Variants in MIA2 observed in about 807,000 individuals in gnomAD.
MIA2 encodes the protein melanoma inhibitory activity protein 2.
Under a neutral mutation model 167.8 loss-of-function variants are expected in MIA2, and 127 were observed. The observed-to-expected ratio is 0.76, with a 90% CI of 0.66 to 0.88. MIA2 has a LOEUF of 0.88. Among genes scored for constraint, MIA2 ranks in the 40% least tolerant of loss-of-function variants. The probability of loss-of-function intolerance (pLI) is 0.00; values close to 1 mark genes in which losing one functional copy is unlikely to be tolerated. For missense variants in MIA2, 1,690 were observed against 1,624.7 expected (o/e 1.04, Z -0.69); for synonymous variants, 552 against 541.9 (o/e 1.02, Z -0.26).
chr14:39,322,007 C>T (rs1475444526), intron 24 of MIA2, among the ~76,000 whole-genome samples: 1 of 151,366 alleles, frequency 6.6e-6, no homozygotes, highest in Non-Finnish European at 1.5e-5. Flanking sequence ...GAACTCCTGA[C>T]CTTAGGTGAT....
intron 23 of MIA2, among the ~76,000 whole-genome samples, chr14:39,360,808 T>G (rs893372422): frequency 2.0e-5 from 3 of 152,328 alleles, no homozygotes; most frequent in African/African-American, 7.2e-5. Flanking sequence ...GTTTAGGTGT[T>G]TAATCCATCT....
rs2152627806 is a variant in MIA2 at position 39,247,273 on chromosome 14, A to G, written c.699A>G (p.Gln233=). The change falls in exon 4 of 29, where the codon CAA becomes CAG. Residue 233 remains glutamine (Q), a synonymous_variant. Transcript: ENST00000640607. ...AATGGTTTGGATTGGGAGGAGAACA[A>G]GCTGAAGAGAAGGCTTTTGAATCAG... is the stretch of plus-strand genomic sequence containing the variant. ...VKEWFGLGGE[Q]AEEKAFESVI... is the part of the protein sequence containing the mutation. 2 of 1,613,986 alleles carry G rather than the reference A, an allele frequency of 1.2e-6. No individual in the cohort carries two copies. Among genetic ancestry groups the G allele is most frequent in the East Asian group, 4.5e-5 (2 of 44,876 alleles).
At chr14:39,379,223 C>T (rs928211373) in intron 23 of MIA2, among the ~76,000 whole-genome samples, 1 of 151,970 alleles carries the variant, frequency 6.6e-6, no homozygotes, top group Non-Finnish European at 1.5e-5. Flanking sequence ...GCTGGTCTTG[C>T]ATTAGTGTAC....
intron 24 of MIA2, 152 bp from the exon 25 acceptor site, chr14:39,326,712 G>C: frequency 2.4e-6 from 1 of 410,954 alleles, no homozygotes; most frequent in Non-Finnish European, 4.2e-6. Context: ...GTTACATCAG[G>C]CATAGGAATC....
chr14:39,285,389 C>T (rs187553507), intron 9 of MIA2, among the ~76,000 whole-genome samples: 43,521 of 134,704 alleles, frequency 0.32, 9,668 homozygotes, highest in Non-Finnish European at 0.44. Context: ...CTGCCCCCCA[C>T]CTCCCTCCCG....
chr14:39,368,278 A>G (rs2074864112), intron 23 of MIA2, among the ~76,000 whole-genome samples: 1 of 152,190 alleles, frequency 6.6e-6, no homozygotes, highest in Admixed American at 6.5e-5. Context: ...AGAGAGAAGG[A>G]AGAAAAATTG....
chr14:39,269,262 A>C (rs1034187192), intron 6 of MIA2, among the ~76,000 whole-genome samples: 3 of 151,660 alleles, frequency 2.0e-5, no homozygotes, highest in African/African-American at 7.3e-5. Flanking sequence ...TGTTAAATTC[A>C]CTATGTTATG....
chr14:39,242,940 T>A (rs1321732251), intron 3 of MIA2, among the ~76,000 whole-genome samples: 1 of 151,486 alleles, frequency 6.6e-6, no homozygotes, highest in Non-Finnish European at 1.5e-5. Flanking sequence ...CTGACCAACA[T>A]GGTGAAACCC....
At position 39,279,346 on chromosome 14, in the gene MIA2, C is replaced by T. The variant is rs764331151; in HGVS notation, c.2029C>T (p.Arg677Trp). 1.5e-5 allele frequency: 24 copies of T among 1,607,070 alleles called. No homozygotes were observed. Among genetic ancestry groups the T allele is most frequent in the Admixed American group, 6.8e-5 (4 of 58,430 alleles). The change falls in exon 8 of 29, where the codon CGG becomes TGG. Residue 677 changes from arginine (R) to tryptophan (W), a missense_variant. Coordinates refer to ENST00000640607, the MANE Select transcript of MIA2 (RefSeq NM_001329214.4). The stretch of plus-strand genomic sequence containing the variant: ...TAAAAATTTGTTTCAGGTTAGGAGT[C>T]GGCTTTATGTGGGTAAGTTCTTTTT... ...LWRSFRSVRS[R>W]LYVGREKKLA... is the part of the protein sequence containing the mutation.
chr14:39,332,520 T>G (rs957890357), intron 25 of MIA2, among the ~76,000 whole-genome samples: 1 of 152,216 alleles, frequency 6.6e-6, no homozygotes, highest in Non-Finnish European at 1.5e-5. Context: ...AGACGAGGCA[T>G]CCTGGTTTTT....
chr14:39,247,413 CT>C lies in MIA2; in HGVS notation c.840del (p.Glu281AsnfsTer14). 2 of 1,614,076 alleles carry C rather than the reference CT, an allele frequency of 1.2e-6. No individual in the cohort carries two copies. Among genetic ancestry groups the C allele is most frequent in the East Asian group, 4.5e-5 (2 of 44,874 alleles). On this transcript the variant is annotated frameshift_variant, in exon 4 of 29. Coordinates refer to ENST00000640607, the MANE Select transcript of MIA2 (RefSeq NM_001329214.4). LOFTEE classifies it high-confidence loss of function. ...CCTCAAACAGAACATCAGCAAGAATCTGAATCAGAAATTGATTCAGTGCCAA... is the reference window on the plus strand; with the variant it reads ...CCTCAAACAGAACATCAGCAAGAATCGAATCAGAAATTGATTCAGTGCCAA... Reference protein sequence around the residue: ...GEPQTEHQQESESEIDSVPKT... With the variant: ...GEPQTEHQQEXESEIDSVPKT...
At chr14:39,364,729 TTTTTG>T (rs909257698) in intron 23 of MIA2, among the ~76,000 whole-genome samples, 15 of 145,778 alleles carry the variant, frequency 1.0e-4, no homozygotes, top group East Asian at 3.9e-4. Flanking sequence ...TTTTGTTTTG[TTTTTG>T]TTTTGTTTTG....
chr14:39,265,955 A>G, intron 6 of MIA2: 1 of 985,316 alleles, frequency 1.0e-6, no homozygotes, highest in Non-Finnish European at 1.2e-6. Flanking sequence ...GAAACTCCTC[A>G]GGCTGATGTG....
intron 16 of MIA2, among the ~76,000 whole-genome samples, chr14:39,304,063 A>G (rs2062937452): frequency 6.6e-6 from 1 of 152,166 alleles, no homozygotes. Context: ...AAAAGCATTC[A>G]CTACTTTTCC....
intron 6 of MIA2, among the ~76,000 whole-genome samples, chr14:39,260,993 CT>C (rs933494611): frequency 2.0e-5 from 3 of 150,984 alleles, no homozygotes; most frequent in Non-Finnish European, 4.4e-5. Context: ...GTTTTTTTTT[CT>C]TTTTTTAAAT....
chr14:39,354,426 A>C (rs57633608), downstream of MIA2, among the ~76,000 whole-genome samples: 8,943 of 151,920 alleles, frequency 0.059, 885 homozygotes, highest in African/African-American at 0.2. Context: ...TTTTCTCGTA[A>C]ATTTGTTTGA....
Position 39,240,558 on chromosome 14 carries a change from C to T in MIA2, c.250-3C>T. 1 of 1,603,322 alleles carries T rather than the reference C, an allele frequency of 6.2e-7. No individual in the cohort carries two copies. On this transcript the variant is annotated splice_polypyrimidine_tract_variant and splice_region_variant and intron_variant, in intron 2 of 28. Transcript: ENST00000640607. The stretch of plus-strand genomic sequence containing the variant: ...CGATAATCTTTGTTCTTCATTTTGA[C>T]AGAAAGGAAAGGAGTTTGGATATTT...
intron 23 of MIA2, among the ~76,000 whole-genome samples, chr14:39,375,789 T>C (rs1207520251): frequency 6.6e-6 from 1 of 152,218 alleles, no homozygotes; most frequent in African/African-American, 2.4e-5. Flanking sequence ...ATTGCTTCAC[T>C]GAACAAAATC....
chr14:39,303,095 TTCTC>T (rs1370298011), intron 15 of MIA2, among the ~76,000 whole-genome samples: 1 of 152,202 alleles, frequency 6.6e-6, no homozygotes, highest in Non-Finnish European at 1.5e-5. Flanking sequence ...AAATAATCCT[TTCTC>T]TATTTGAGAA....
Sources: gnomAD v4.1 joint callset for allele counts (sites outside exome capture counted in the v4.1 genomes callset) on GRCh38, gnomAD v4.1.1 for gene constraint, MANE v1.5 for transcripts, NCBI Gene and HGNC (gene_info 2026-07-23, HGNC 2026-07-21) for gene names.